The following NCKAP5 variants were observed in gnomAD, a reference collection of about 807,000 sequenced individuals.
The protein encoded by NCKAP5 is NCK associated protein 5, also known as nck-associated protein 5.
Under a neutral mutation model 167.0 loss-of-function variants are expected in NCKAP5, and 92 were observed. The observed-to-expected ratio is 0.55, with a 90% CI of 0.47 to 0.66. NCKAP5 has a LOEUF of 0.66. NCKAP5 is among the 30% of genes least tolerant of loss of function. NCKAP5 has a pLI of 0.00. For synonymous variants in NCKAP5, 891 were observed against 877.4 expected (o/e 1.02, Z -0.27); for missense variants, 2,378 against 2,315.0 (o/e 1.03, Z -0.56).
At position 133,060,031 on chromosome 2, in the gene NCKAP5, A is replaced by AGAGCC. The variant is rs752248661; in HGVS notation, c.342-65797_342-65793dup. Among the ~76,000 whole-genome samples the AGAGCC allele has an allele frequency of 3.9e-5, 6 of 152,318 alleles. No homozygotes were observed. In the East Asian group the frequency reaches 1.2e-3, roughly 29 times the overall value. ...ACATGATGACAGATATTGCAGCCAG[A>AGAGCC]GAGCCCTAAGCTCCCAGGACAAACA... On this transcript the variant is annotated intron_variant, in intron 6 of 19. Transcript: ENST00000409261.
intron 6 of NCKAP5, among the ~76,000 whole-genome samples, chr2:133,040,483 G>A (rs1331661780): frequency 6.6e-6 from 1 of 152,098 alleles, no homozygotes; most frequent in Non-Finnish European, 1.5e-5. Context: ...TCAGCACACT[G>A]CTATAAACAA....
intron 4 of NCKAP5, among the ~76,000 whole-genome samples, chr2:133,266,969 C>T (rs2089269445): frequency 6.6e-6 from 1 of 152,128 alleles, no homozygotes; most frequent in Non-Finnish European, 1.5e-5. Flanking sequence ...CCGCCGGGCC[C>T]CCCCATCAGA....
chr2:133,102,601 A>C (rs534483010), intron 6 of NCKAP5, among the ~76,000 whole-genome samples: 11 of 152,272 alleles, frequency 7.2e-5, no homozygotes, highest in African/African-American at 1.9e-4. Flanking sequence ...CTCTCTCTTA[A>C]GGATCTTTAT....
At chr2:132,818,189 C>A (rs1574318843) in intron 11 of NCKAP5, among the ~76,000 whole-genome samples, 1 of 152,202 alleles carries the variant, frequency 6.6e-6, no homozygotes, top group East Asian at 1.9e-4. Context: ...CTCAAGCTAT[C>A]CACCTGCCTC....
chr2:133,149,579 C>T (rs17793177), intron 5 of NCKAP5, among the ~76,000 whole-genome samples: 6 of 151,950 alleles, frequency 3.9e-5, no homozygotes, highest in South Asian at 2.1e-4. Flanking sequence ...TTAACTACAA[C>T]GATGCCCCAA....
intron 6 of NCKAP5, among the ~76,000 whole-genome samples, chr2:133,031,675 C>A (rs1257992918): frequency 6.6e-6 from 1 of 152,144 alleles, no homozygotes; most frequent in South Asian, 2.1e-4. Context: ...CCTACCCCAG[C>A]TGCACAGCTC....
intron 16 of NCKAP5, among the ~76,000 whole-genome samples, chr2:132,736,638 T>A (rs1353647454): frequency 2.1e-5 from 3 of 145,314 alleles, no homozygotes; most frequent in Admixed American, 6.9e-5. Flanking sequence ...AAAAAAAAAA[T>A]CAGTTGGGCA....
intron 4 of NCKAP5, among the ~76,000 whole-genome samples, chr2:133,282,323 T>C (rs944039197): frequency 6.6e-6 from 1 of 152,170 alleles, no homozygotes; most frequent in African/African-American, 2.4e-5. Flanking sequence ...AAAACAAAAG[T>C]GGGCAGTCTT....
At chr2:132,709,953 A>G (rs551988774) in intron 19 of NCKAP5, among the ~76,000 whole-genome samples, 14 of 152,320 alleles carry the variant, frequency 9.2e-5, no homozygotes, top group Admixed American at 5.9e-4. Flanking sequence ...ATTTGTTAAT[A>G]AATCAATATA....
At chr2:133,169,589 G>C (rs867178762) in intron 5 of NCKAP5, among the ~76,000 whole-genome samples, 1 of 152,134 alleles carries the variant, frequency 6.6e-6, no homozygotes, top group Admixed American at 6.5e-5. Flanking sequence ...GCTGCCTGCA[G>C]GGACTTCTGA....
intron 7 of NCKAP5, among the ~76,000 whole-genome samples, chr2:132,975,078 A>T (rs1224566999): frequency 6.6e-6 from 1 of 152,238 alleles, no homozygotes; most frequent in Non-Finnish European, 1.5e-5. Flanking sequence ...AGGGATTGCT[A>T]GCAGCTTTTG....
chr2:132,854,828 G>A (rs937573391), intron 11 of NCKAP5, among the ~76,000 whole-genome samples: 3 of 152,128 alleles, frequency 2.0e-5, no homozygotes, highest in African/African-American at 2.4e-5. Flanking sequence ...GGGGTGGGGT[G>A]GGCAGGAGTA....
At chr2:132,827,992 C>A (rs1687251435) in intron 11 of NCKAP5, among the ~76,000 whole-genome samples, 1 of 152,144 alleles carries the variant, frequency 6.6e-6, no homozygotes, top group African/African-American at 2.4e-5. Flanking sequence ...GATTGAAGCA[C>A]AAACCCAAGC....
intron 4 of NCKAP5, among the ~76,000 whole-genome samples, chr2:133,242,178 T>C (rs897285893): frequency 1.3e-5 from 2 of 149,568 alleles, no homozygotes; most frequent in Admixed American, 6.7e-5. Flanking sequence ...CCATTCTGAA[T>C]TACACATCCA....
At chr2:133,140,594 G>A (rs1236412111) in intron 5 of NCKAP5, among the ~76,000 whole-genome samples, 1 of 151,988 alleles carries the variant, frequency 6.6e-6, no homozygotes, top group Non-Finnish European at 1.5e-5. Context: ...CAACTCTGAT[G>A]TCTCTCTTAC....
intron 11 of NCKAP5, among the ~76,000 whole-genome samples, chr2:132,818,883 A>G (rs1362108993): frequency 6.6e-6 from 1 of 152,186 alleles, no homozygotes; most frequent in Non-Finnish European, 1.5e-5. Flanking sequence ...AATATTGTGT[A>G]TGTGTATCAC....
chr2:133,570,634 T>C (rs1688830457), upstream of NCKAP5, among the ~76,000 whole-genome samples: 1 of 152,234 alleles, frequency 6.6e-6, no homozygotes, highest in Admixed American at 6.5e-5. Flanking sequence ...GAACATAAAG[T>C]GCTGACCTTT....
chr2:133,026,131 C>T (rs1433665874), intron 6 of NCKAP5, among the ~76,000 whole-genome samples: 1 of 151,928 alleles, frequency 6.6e-6, no homozygotes, highest in South Asian at 2.1e-4. Flanking sequence ...TTGTTGGATG[C>T]CATAAATATT....
chr2:132,973,394 ATC>A (rs1232468181), intron 7 of NCKAP5, among the ~76,000 whole-genome samples: 1 of 152,196 alleles, frequency 6.6e-6, no homozygotes, highest in Non-Finnish European at 1.5e-5. Context: ...GAAGAAAGAA[ATC>A]TGCATTCCCT....
Sources: allele counts gnomAD v4.1 joint callset (sites outside exome capture counted in the v4.1 genomes callset), GRCh38; gene constraint gnomAD v4.1.1; transcripts MANE v1.5; gene names NCBI Gene and HGNC (gene_info 2026-07-23, HGNC 2026-07-21).